Variants in NRL observed in about 807,000 individuals in gnomAD.
NRL encodes neural retina-specific leucine zipper protein.
Under a neutral mutation model 12.5 loss-of-function variants are expected in NRL, and 16 were observed. That is an observed-to-expected ratio of 1.28 (90% CI 0.87 to 1.95). The LOEUF is 1.95. NRL is among the 30% of genes most tolerant of loss of function. The pLI is 0.00. For synonymous variants in NRL, 142 were observed against 150.9 expected (o/e 0.94, Z 0.43); for missense variants, 314 against 325.8 (o/e 0.96, Z 0.28).
At chr14:24,098,043 T>C (rs1229275203) in intron 1 of NRL, among the ~76,000 whole-genome samples, 8 of 152,018 alleles carry the variant, frequency 5.3e-5, no homozygotes. Context: ...GAACACCCCT[T>C]AGATGGGACA....
chr14:24,080,603 A>C lies in NRL; in HGVS notation c.*633T>G, dbSNP rs1784212379. On this transcript the variant is annotated 3_prime_UTR_variant, in exon 3 of 3. Transcript: ENST00000561028. ...GGGATCCCATGGAAGAGCTGGGACT[A>C]GGACCCAGGTTTCCAGACTTCTGCA... 1 of 152,686 alleles carries C rather than the reference A, an allele frequency of 6.5e-6. No homozygotes were observed. The highest frequency in any genetic ancestry group is 6.5e-5 in the Admixed American group (1 of 15,276). 9.5% of individuals were successfully genotyped at this position (152,686 alleles called of 1,614,324 possible).
intron 1 of NRL, among the ~76,000 whole-genome samples, chr14:24,084,904 C>G (rs1053528330): frequency 3.9e-5 from 6 of 152,188 alleles, no homozygotes; most frequent in African/African-American, 1.4e-4. Context: ...AACCACCACC[C>G]CTCTATGTGA....
chr14:24,088,973 T>TA (rs2036541825), intron 1 of NRL, among the ~76,000 whole-genome samples: 1 of 152,078 alleles, frequency 6.6e-6, no homozygotes. Flanking sequence ...GCTAATTTTT[T>TA]TTTTGTATTT....
At chr14:24,104,783 C>CTTCA (rs1339640509) in intron 1 of NRL, among the ~76,000 whole-genome samples, 1 of 152,144 alleles carries the variant, frequency 6.6e-6, no homozygotes, top group African/African-American at 2.4e-5. Flanking sequence ...AGTGAAGTGG[C>CTTCA]TTCATTGTCA....
At chr14:24,083,634 G>A (rs2036387975) in intron 1 of NRL, among the ~76,000 whole-genome samples, 1 of 152,140 alleles carries the variant, frequency 6.6e-6, no homozygotes, top group Admixed American at 6.5e-5. Context: ...TCACCCTTCT[G>A]ACCCGTTTTC....
rs772156334 is a variant in NRL, at chr14:24,103,753, C to T, written c.-28+10969G>A. 1.2e-6 allele frequency: 2 copies of T among 1,614,188 alleles called. No individual in the cohort carries two copies. The highest frequency in any genetic ancestry group is 2.2e-5 in the East Asian group (1 of 44,888). On this transcript the variant is annotated intron_variant, in intron 1 of 2. Coordinates refer to ENST00000561028, the MANE Select transcript of NRL (RefSeq NM_001354768.3). ...GAGGGGGAGGACAGTGCCCGAGAGA[C>T]ACCCATTGGGCTGGTGCCAAAGGAA...
At chr14:24,103,187 A>C in intron 1 of NRL, 1 of 1,614,118 alleles carries the variant, frequency 6.2e-7, no homozygotes, top group Non-Finnish European at 8.5e-7. Flanking sequence ...GAGGCCTTCA[A>C]CTGGCGTCAT....
In NRL at chr14:24,079,549, T is replaced by C. The variant is rs1194209922; in HGVS notation, c.*1687A>G. The stretch of plus-strand genomic sequence containing the variant: ...AGAGCGATGGAGGAGAGGACTCCCA[T>C]TGCAGGCTCCTAAGCGGAGGAGGGA... On this transcript the variant is annotated 3_prime_UTR_variant, in exon 3 of 3. Coordinates refer to ENST00000561028, the MANE Select transcript of NRL (RefSeq NM_001354768.3). Among the ~76,000 whole-genome samples the C allele has an allele frequency of 6.6e-6, 1 of 151,612 alleles. No individual in the cohort carries two copies. Among genetic ancestry groups the C allele is most frequent in the Non-Finnish European group, 1.5e-5 (1 of 67,952 alleles).
intron 2 of NRL, 87 bp downstream of exon 2, chr14:24,082,381 A>C: frequency 1.3e-6 from 2 of 1,548,428 alleles, no homozygotes; most frequent in South Asian, 1.1e-5. Context: ...CCCAGTCCAT[A>C]ACCCCCTCTG....
Position 24,081,561 on chromosome 14 carries a change from T to C in NRL, c.389A>G (p.Glu130Gly). The C allele has an allele frequency of 6.3e-7, 1 of 1,597,192 alleles. No individual in the cohort carries two copies. Among genetic ancestry groups the C allele is most frequent in the Non-Finnish European group, 8.5e-7 (1 of 1,173,574 alleles). ...ETGAQHVQLA[E>G]RFSDAALVSM... The stretch of plus-strand genomic sequence containing the variant: ...GACCAGCGCCGCGTCGGAAAACCGC[T>C]CTGCCAGCTGCGGAGGGAGAATGCA... The change falls in exon 3 of 3, where the codon GAG becomes GGG. Residue 130 changes from glutamate (E) to glycine (G), a missense_variant. Physicochemically the swap from Glu to Gly is moderately conservative, Grantham distance 98. Transcript: ENST00000561028. This position sits in a 1 kb window ranked among gnomAD's most constrained non-coding sequence, Gnocchi z 4.4.
At chr14:24,105,869 C>A (rs915789922) in intron 1 of NRL, among the ~76,000 whole-genome samples, 1 of 152,200 alleles carries the variant, frequency 6.6e-6, no homozygotes, top group Non-Finnish European at 1.5e-5. Context: ...CATGCCATTG[C>A]ACTCCAGCCT....
chr14:24,097,038 G>T (rs1218850681), intron 1 of NRL: 2 of 1,613,370 alleles, frequency 1.2e-6, no homozygotes, highest in East Asian at 2.2e-5. Flanking sequence ...CAACCAGAGG[G>T]CATCCACATC....
chr14:24,105,079 A>T (rs1471452225), intron 1 of NRL, among the ~76,000 whole-genome samples: 1 of 152,244 alleles, frequency 6.6e-6, no homozygotes, highest in East Asian at 1.9e-4. Context: ...TATTGACAGC[A>T]AGTCAGTGAT....
intron 1 of NRL, chr14:24,095,075 C>G (rs928235507): frequency 4.4e-5 from 20 of 456,024 alleles, no homozygotes; most frequent in Non-Finnish European, 5.7e-5. Flanking sequence ...CTGGAGCCCC[C>G]AGGCTCGTCC....
rs1204415098 is a variant in NRL, at chr14:24,085,277, C to T, written c.-27-2402G>A. Among the ~76,000 whole-genome samples the T allele has an allele frequency of 6.6e-6, 1 of 152,216 alleles. No homozygotes were observed. Among genetic ancestry groups the T allele is most frequent in the Non-Finnish European group, 1.5e-5 (1 of 68,030 alleles). On this transcript the variant is annotated intron_variant, in intron 1 of 2. Coordinates refer to ENST00000561028, the MANE Select transcript of NRL (RefSeq NM_001354768.3). The surrounding 1 kb of genome is among the most constrained non-coding windows in gnomAD (Gnocchi z 4.1). Reference sequence around the variant, plus strand: ...GTAGGAAAAAAGAGAACAGGGAACTCTGTTCCTTCCTTCTGGGCCTCAAGG... The same window carrying T: ...GTAGGAAAAAAGAGAACAGGGAACTTTGTTCCTTCCTTCTGGGCCTCAAGG...
intron 1 of NRL, among the ~76,000 whole-genome samples, chr14:24,107,878 C>A (rs925272892): frequency 2.1e-4 from 32 of 152,140 alleles, no homozygotes; most frequent in Admixed American, 4.6e-4. Context: ...AATTCTTTAT[C>A]TTTATTTATC....
intron 1 of NRL, among the ~76,000 whole-genome samples, chr14:24,113,370 G>T (rs992429501): frequency 6.7e-6 from 1 of 149,246 alleles, no homozygotes; most frequent in Admixed American, 6.6e-5. Flanking sequence ...CTAAAACTTA[G>T]AGTATAATAA....
intron 1 of NRL, among the ~76,000 whole-genome samples, chr14:24,112,447 C>G (rs2037435307): frequency 6.9e-6 from 1 of 144,888 alleles, no homozygotes; most frequent in African/African-American, 2.6e-5. Context: ...AGGCAACCTA[C>G]AACATGGGAG....
chr14:24,111,982 A>C (rs1478798000), intron 1 of NRL, among the ~76,000 whole-genome samples: 1 of 75,534 alleles, frequency 1.3e-5, no homozygotes, highest in African/African-American at 5.4e-5. Flanking sequence ...TTTGTCATAG[A>C]TAGCTCTTAT....
Sources: allele counts gnomAD v4.1 joint callset (sites outside exome capture counted in the v4.1 genomes callset), GRCh38; gene constraint gnomAD v4.1.1; non-coding constraint Gnocchi (gnomAD v3.1); transcripts MANE v1.5; gene names NCBI Gene and HGNC (gene_info 2026-07-23, HGNC 2026-07-21).